Variants in FBXL17 observed in about 807,000 individuals in gnomAD.
FBXL17 encodes the protein F-box and leucine rich repeat protein 17.
In FBXL17, 22 loss-of-function variants were observed where a neutral mutation model predicts 66.2. The observed-to-expected ratio is 0.33, with a 90% CI of 0.24 to 0.47. The LOEUF (loss-of-function observed/expected upper bound fraction) is 0.47, where lower values mean the gene tolerates loss of function less well. Among genes scored for constraint, FBXL17 ranks in the 20% least tolerant of loss-of-function variants. The pLI, the probability that FBXL17 is intolerant of heterozygous loss-of-function variation, is 1.00. For synonymous variants in FBXL17, 474 were observed against 400.5 expected (o/e 1.18, Z -2.19); for missense variants, 878 against 948.2 (o/e 0.93, Z 0.97).
intron 4 of FBXL17, among the ~76,000 whole-genome samples, chr5:108,316,664 T>C (rs569849997): frequency 9.2e-5 from 14 of 151,514 alleles, no homozygotes; most frequent in African/African-American, 3.1e-4. Flanking sequence ...CTAGATTCAA[T>C]ATAGTTTTAG....
intron 7 of FBXL17, among the ~76,000 whole-genome samples, chr5:108,014,770 T>C (rs1181736639): frequency 6.6e-6 from 1 of 152,150 alleles, no homozygotes; most frequent in African/African-American, 2.4e-5. Context: ...ACATACCCCA[T>C]ACTAGGTAAT....
In FBXL17 at chr5:107,884,151, A is replaced by T. The variant is rs146326588; in HGVS notation, c.1823-2972T>A. On this transcript the variant is annotated intron_variant, in intron 7 of 8. Coordinates refer to ENST00000542267, the MANE Select transcript of FBXL17 (RefSeq NM_001163315.3). ...AAGTTTATAGTCTAGCAGAAGAGACAGATGTGAAACAAATAAACATGAAAG... is the reference window on the plus strand; with the variant it reads ...AAGTTTATAGTCTAGCAGAAGAGACTGATGTGAAACAAATAAACATGAAAG... Among the ~76,000 whole-genome samples the T allele has an allele frequency of 1.3e-4, 20 of 152,362 alleles. No individual in the cohort carries two copies. In the East Asian group the frequency reaches 2.9e-3, roughly 22 times the overall value.
At chr5:108,012,300 A>C (rs1417583675) in intron 7 of FBXL17, among the ~76,000 whole-genome samples, 1 of 152,214 alleles carries the variant, frequency 6.6e-6, no homozygotes, top group Non-Finnish European at 1.5e-5. Context: ...TGAATATATT[A>C]ATACATACTG....
chr5:108,337,708 T>TAAAA (rs70996991), intron 4 of FBXL17, among the ~76,000 whole-genome samples: 1 of 142,314 alleles, frequency 7.0e-6, no homozygotes, highest in African/African-American at 2.6e-5. Flanking sequence ...GTACAAAAAG[T>TAAAA]AAAAAAAAAA....
At chr5:108,202,366 C>T (rs552570893) in intron 5 of FBXL17, among the ~76,000 whole-genome samples, 147 of 152,038 alleles carry the variant, frequency 9.7e-4, no homozygotes, top group African/African-American at 3.1e-3. Flanking sequence ...TAAAAGAGTA[C>T]CCTCACTGAT....
At chr5:108,334,749 C>T (rs996616597) in intron 4 of FBXL17, among the ~76,000 whole-genome samples, 3 of 152,086 alleles carry the variant, frequency 2.0e-5, no homozygotes, top group Non-Finnish European at 4.4e-5. Context: ...CAGGAGAAAA[C>T]AAAGGACACA....
At chr5:108,091,741 CT>C in intron 6 of FBXL17, among the ~76,000 whole-genome samples, 1 of 152,180 alleles carries the variant, frequency 6.6e-6, no homozygotes, top group East Asian at 1.9e-4. Context: ...AGGAAATGAA[CT>C]GCTGCTTACA....
At chr5:108,058,302 T>C (rs529983554) in intron 6 of FBXL17, among the ~76,000 whole-genome samples, 216 of 152,270 alleles carry the variant, frequency 1.4e-3, no homozygotes, top group Non-Finnish European at 2.2e-3. Context: ...GATTGCAAAG[T>C]TCCTTTCTCG....
intron 3 of FBXL17, among the ~76,000 whole-genome samples, chr5:108,353,899 T>A (rs745359518): frequency 2.0e-5 from 3 of 152,204 alleles, no homozygotes; most frequent in Non-Finnish European, 4.4e-5. Context: ...TTTATGAAAG[T>A]TGCATTTCCC....
intron 6 of FBXL17, among the ~76,000 whole-genome samples, chr5:108,023,794 T>G (rs1754691498): frequency 6.6e-6 from 1 of 152,146 alleles, no homozygotes; most frequent in Non-Finnish European, 1.5e-5. Flanking sequence ...AATCTTAGTA[T>G]GGACTACAGG....
At chr5:108,090,680 C>T (rs957071164) in intron 6 of FBXL17, among the ~76,000 whole-genome samples, 5 of 151,900 alleles carry the variant, frequency 3.3e-5, no homozygotes, top group Admixed American at 1.3e-4. Context: ...GATAAGTTAT[C>T]TTTCTTTTTT....
chr5:108,245,640 T>G (rs188725964), intron 4 of FBXL17, among the ~76,000 whole-genome samples: 1 of 152,300 alleles, frequency 6.6e-6, no homozygotes, highest in African/African-American at 2.4e-5. Flanking sequence ...CCATCGTAAC[T>G]CAGTCCCCTT....
intron 7 of FBXL17, among the ~76,000 whole-genome samples, chr5:107,919,608 C>T (rs1750246717): frequency 6.6e-6 from 1 of 152,188 alleles, no homozygotes. Flanking sequence ...GCTCTCATCC[C>T]TGTTCCACCA....
chr5:108,373,217 T>TATTAATATAAATATAATATATATCTAAA (rs1296737562), intron 1 of FBXL17, among the ~76,000 whole-genome samples: 119 of 96,738 alleles, frequency 1.2e-3, no homozygotes, highest in Non-Finnish European at 2.2e-3. Flanking sequence ...TCTAAATATA[T>TATTAATATAAATATAATATATATCTAAA]TATATTAATA....
chr5:107,989,787 G>T (rs1185479976), intron 7 of FBXL17, among the ~76,000 whole-genome samples: 2 of 151,738 alleles, frequency 1.3e-5, no homozygotes, highest in South Asian at 2.1e-4. Context: ...TCTAAATAAG[G>T]GTGTATTTGC....
intron 7 of FBXL17, among the ~76,000 whole-genome samples, chr5:107,971,481 T>C (rs1351594844): frequency 6.6e-6 from 1 of 152,194 alleles, no homozygotes; most frequent in Non-Finnish European, 1.5e-5. Flanking sequence ...TGTAAAACTA[T>C]GCTATTTTTT....
At chr5:108,133,402 G>A (rs1328252103) in intron 6 of FBXL17, among the ~76,000 whole-genome samples, 2 of 152,122 alleles carry the variant, frequency 1.3e-5, no homozygotes, top group African/African-American at 4.8e-5. Context: ...TATGTGCCAT[G>A]TTAGCCTTAC....
At chr5:108,369,520 C>T (rs1043291638) in intron 1 of FBXL17, among the ~76,000 whole-genome samples, 3 of 151,994 alleles carry the variant, frequency 2.0e-5, no homozygotes, top group African/African-American at 4.8e-5. Context: ...CACTGGATAA[C>T]GAATATAGGG....
intron 6 of FBXL17, among the ~76,000 whole-genome samples, chr5:108,067,575 C>T (rs1228243815): frequency 6.6e-6 from 1 of 152,148 alleles, no homozygotes; most frequent in African/African-American, 2.4e-5. Flanking sequence ...TGTCCTAGCA[C>T]TGGATTCACA....
Sources: allele counts gnomAD v4.1 joint callset (sites outside exome capture counted in the v4.1 genomes callset), GRCh38; gene constraint gnomAD v4.1.1; transcripts MANE v1.5; gene names NCBI Gene and HGNC (gene_info 2026-07-23, HGNC 2026-07-21).